The following ZNF574 variants were observed in gnomAD, a reference collection of about 807,000 sequenced individuals.
ZNF574 encodes zinc finger protein 574.
A neutral mutation model predicts 56.6 loss-of-function variants in ZNF574; 25 were observed. The observed-to-expected ratio is 0.44, with a 90% CI of 0.32 to 0.62. The LOEUF is 0.62. Among genes scored for constraint, ZNF574 ranks in the 20% least tolerant of loss-of-function variants. The pLI is 0.04. For missense variants in ZNF574, 1,065 were observed against 1,218.9 expected (o/e 0.87, Z 1.88); for synonymous variants, 543 against 492.1 (o/e 1.10, Z -1.37).
At chr19:42,072,008 AAAAAAAC>A (rs2076427667), upstream of ZNF574, among the ~76,000 whole-genome samples, 1 of 151,680 alleles carries the variant, frequency 6.6e-6, no homozygotes, top group African/African-American at 2.4e-5. Flanking sequence ...CATCTCCAAA[AAAAAAAC>A]AAAAAACAAA....
At position 42,078,876 on chromosome 19, in the gene ZNF574, G is replaced by A; in HGVS notation, c.270G>A (p.Gln90=). 6.2e-7 allele frequency: 1 copy of A among 1,614,062 alleles called. No individual in the cohort carries two copies. Among genetic ancestry groups the A allele is most frequent in the Admixed American group, 1.7e-5 (1 of 60,022 alleles). ...GTCAACTGCTGATGTCACCCAGCCAGCTCCTGGAGCACCAGGAGCTGCACC... is the reference window on the plus strand; with the variant it reads ...GTCAACTGCTGATGTCACCCAGCCAACTCCTGGAGCACCAGGAGCTGCACC... The part of the protein sequence containing the change: ...ECGQLLMSPS[Q]LLEHQELHLK... The change falls in exon 2 of 2, where the codon CAG becomes CAA. Residue 90 remains glutamine (Q), a synonymous_variant. Transcript: ENST00000359044.
Position 42,079,596 on chromosome 19 carries a change from T to C in ZNF574, c.990T>C (p.Ser330=), listed in dbSNP as rs1451687934. ...SPHQLQQHLR[S]HREGVFKCPL... ...ACCAGCTACAGCAGCACCTGCGGAGTCACCGGGAGGGCGTCTTTAAGTGCC... is the reference window on the plus strand; with the variant it reads ...ACCAGCTACAGCAGCACCTGCGGAGCCACCGGGAGGGCGTCTTTAAGTGCC... Residue 330 remains serine, a synonymous_variant, in exon 2 of 2, where the codon AGT becomes AGC. Transcript: ENST00000359044. This position sits in a 1 kb window ranked among gnomAD's most constrained non-coding sequence, Gnocchi z 4.3. The C allele has an allele frequency of 6.2e-7, 1 of 1,614,088 alleles. No homozygotes were observed. The highest frequency in any genetic ancestry group is 8.5e-7 in the Non-Finnish European group (1 of 1,180,010).
chr19:42,079,873 A>C lies in ZNF574; in HGVS notation c.1267A>C (p.Thr423Pro), dbSNP rs2076484530. ...GGTAGGGGGTGTCCCTCTGCCCACA[A>C]CACCAGTCCCACCAGAGGAACCTGT... ...HGVGGVPLPT[T>P]PVPPEEPVIG... is the part of the protein sequence containing the mutation. Residue 423 changes from threonine (T) to proline (P), a missense_variant, in exon 2 of 2, where the codon ACA becomes CCA. Transcript: ENST00000359044. The surrounding 1 kb of genome is among the most constrained non-coding windows in gnomAD (Gnocchi z 4.3). The C allele has an allele frequency of 5.0e-6, 8 of 1,613,944 alleles. No individual in the cohort carries two copies. Among genetic ancestry groups the C allele is most frequent in the South Asian group, 1.1e-5 (1 of 91,074 alleles).
rs766620077 is a variant in ZNF574 at position 42,078,595 on chromosome 19, C to T, written c.-12C>T. The stretch of plus-strand genomic sequence containing the variant: ...ACTGTCTCCTCTTCCAGCCCAGGGC[C>T]TTGCTGCCGCCATGACTGAGGAATC... On this transcript the variant is annotated 5_prime_UTR_variant, in exon 2 of 2. Coordinates refer to ENST00000359044, the MANE Select transcript of ZNF574 (RefSeq NM_022752.6). 25 of 1,603,770 alleles carry T rather than the reference C, an allele frequency of 1.6e-5. No individual in the cohort carries two copies. The highest frequency in any genetic ancestry group is 2.1e-5 in the Non-Finnish European group (25 of 1,172,640).
rs116193035 is a variant in ZNF574 at position 42,079,986 on chromosome 19, C to T, written c.1380C>T (p.Pro460=). 330 of 1,613,880 alleles carry T rather than the reference C, an allele frequency of 2.0e-4. 1 individual carries two copies. In the African/African-American group the frequency reaches 3.9e-3, roughly 19 times the overall value. Residue 460 remains proline, a synonymous_variant, in exon 2 of 2, where the codon CCC becomes CCT. Transcript: ENST00000359044. This position sits in a 1 kb window ranked among gnomAD's most constrained non-coding sequence, Gnocchi z 4.3. ...PPVSEETSAG[P]AAPGTYRCLL... ...TGTCTGAGGAGACCTCAGCAGGGCC[C>T]GCTGCCCCAGGCACCTACCGCTGCC...
chr19:42,080,385 C>T lies in ZNF574; in HGVS notation c.1779C>T (p.Arg593=), dbSNP rs751270836. ...GGGTGCGTTTTCACCGTCCTTACCG[C>T]CTGCTCATGCACCGCTACCATCACA... is the stretch of plus-strand genomic sequence containing the variant. The part of the protein sequence containing the change: ...ECGVRFHRPY[R]LLMHRYHHTG... The change falls in exon 2 of 2, where the codon CGC becomes CGT. Residue 593 remains arginine, a synonymous_variant. Transcript: ENST00000359044. The surrounding 1 kb of genome is among the most constrained non-coding windows in gnomAD (Gnocchi z 8.5). The T allele has an allele frequency of 1.9e-6, 3 of 1,614,250 alleles. No individual in the cohort carries two copies. The highest frequency in any genetic ancestry group is 1.1e-5 in the South Asian group (1 of 91,092).
In ZNF574 at chr19:42,078,534, G is replaced by C. The variant is rs897839366; in HGVS notation, c.-20-53G>C. The C allele has an allele frequency of 1.3e-5, 19 of 1,479,468 alleles. No individual in the cohort carries two copies. The African/African-American group carries it at 2.2e-4, about 17-fold the overall frequency. 91.6% of individuals were successfully genotyped at this position (1,479,468 alleles called of 1,614,324 possible). A position where few individuals can be genotyped will look rare whatever the true frequency, so the allele number is the denominator to read the frequency against. On this transcript the variant is annotated intron_variant, in intron 1 of 1. Transcript: ENST00000359044. ...TAGGAGTGGAGAGTGATGAAGGGAA[G>C]AGCTGAGGAATCGGTGACCTAACTG...
In ZNF574 at chr19:42,081,208, A is replaced by C; in HGVS notation, c.2602A>C (p.Met868Leu). The change falls in exon 2 of 2, where the codon ATG becomes CTG. Residue 868 changes from methionine (M) to leucine (L), a missense_variant. Coordinates refer to ENST00000359044, the MANE Select transcript of ZNF574 (RefSeq NM_022752.6). The part of the protein sequence containing the change: ...EAEAAVGLAV[M>L]ETAVEALPLV... ...GGAGGCTGCCGTTGGCCTGGCCGTC[A>C]TGGAGACTGCTGTGGAGGCGCTACC... 6.2e-7 allele frequency: 1 copy of C among 1,614,150 alleles called. No homozygotes were observed. The highest frequency in any genetic ancestry group is 2.2e-5 in the East Asian group (1 of 44,890).
rs748997617 is a variant in ZNF574, at chr19:42,081,084, C to T, written c.2478C>T (p.Asp826=). ...HTGERPYSCP[D]CGKSYRSFSN... ...GCGAACGACCCTACTCCTGCCCTGA[C>T]TGTGGCAAGAGCTACCGCTCCTTCT... is the stretch of plus-strand genomic sequence containing the variant. Residue 826 remains aspartate (D), a synonymous_variant, in exon 2 of 2, where the codon GAC becomes GAT. Transcript: ENST00000359044. 4 of 1,614,218 alleles carry T rather than the reference C, an allele frequency of 2.5e-6. No individual in the cohort carries two copies. The highest frequency in any genetic ancestry group is 1.1e-5 in the South Asian group (1 of 91,090).
In ZNF574 at chr19:42,079,511, G is replaced by A. The variant is rs1259955597; in HGVS notation, c.905G>A (p.Gly302Asp). 3.7e-6 allele frequency: 6 copies of A among 1,613,812 alleles called. No homozygotes were observed. The highest frequency in any genetic ancestry group is 4.5e-5 in the East Asian group (2 of 44,894). ...CGGAGGAACAACAGTGGAGAAGCAG[G>A]CGGGGCAGCCACACAGGAGCTCTTC... ...RARRNNSGEA[G>D]GAATQELFCS... The change falls in exon 2 of 2, where the codon GGC becomes GAC. Residue 302 changes from glycine (G) to aspartate (D), a missense_variant. By Grantham distance (94) the Gly-to-Asp change is moderately conservative (BLOSUM62 -1). Coordinates refer to ENST00000359044, the MANE Select transcript of ZNF574 (RefSeq NM_022752.6). The surrounding 1 kb of genome is among the most constrained non-coding windows in gnomAD (Gnocchi z 4.3).
In ZNF574 at chr19:42,078,898, C is replaced by T. The variant is rs1258334327; in HGVS notation, c.292C>T (p.His98Tyr). The T allele has an allele frequency of 6.2e-7, 1 of 1,613,984 alleles. No homozygotes were observed. The highest frequency in any genetic ancestry group is 8.5e-7 in the Non-Finnish European group (1 of 1,179,984). Residue 98 changes from histidine to tyrosine, a missense_variant, in exon 2 of 2, where the codon CAC becomes TAC. His to Tyr is a moderately conservative substitution (Grantham distance 83). Transcript: ENST00000359044. ...CCAGCTCCTGGAGCACCAGGAGCTG[C>T]ACCTGAAGATGATGGCACCCCAGGA... is the stretch of plus-strand genomic sequence containing the variant. Reference protein sequence around the residue: ...PSQLLEHQELHLKMMAPQEAV... With the variant: ...PSQLLEHQELYLKMMAPQEAV...
chr19:42,070,567 T>C (rs1400559196), intron 1 of ZNF574: 1 of 151,744 alleles, frequency 6.6e-6, no homozygotes, highest in African/African-American at 2.4e-5. Context: ...GAGACAGCCG[T>C]CAAGACTGTC....
chr19:42,071,866 C>T (rs966341514), upstream of ZNF574, among the ~76,000 whole-genome samples: 13 of 151,840 alleles, frequency 8.6e-5, no homozygotes, highest in Non-Finnish European at 1.8e-4. Context: ...TAGCCAGGCC[C>T]GGTGGCACAC....
chr19:42,078,767 T>G lies in ZNF574; in HGVS notation c.161T>G (p.Val54Gly). The stretch of plus-strand genomic sequence containing the variant: ...CTGGTGGGCGTGGCTGATCCCGGAG[T>G]CACTGTGGCCACAGACACAGCTTCA... ...FELVGVADPG[V>G]TVATDTASGT... is the part of the protein sequence containing the mutation. Residue 54 changes from valine (V) to glycine (G), a missense_variant, in exon 2 of 2, where the codon GTC becomes GGC. By Grantham distance (109) the Val-to-Gly change is moderately radical. Coordinates refer to ENST00000359044, the MANE Select transcript of ZNF574 (RefSeq NM_022752.6). 1 of 1,613,784 alleles carries G rather than the reference T, an allele frequency of 6.2e-7. No individual in the cohort carries two copies. Among genetic ancestry groups the G allele is most frequent in the Non-Finnish European group, 8.5e-7 (1 of 1,179,906 alleles).
intron 1 of ZNF574, among the ~76,000 whole-genome samples, chr19:42,077,093 A>T (rs2076461622): frequency 6.6e-6 from 1 of 151,980 alleles, no homozygotes; most frequent in African/African-American, 2.4e-5. Flanking sequence ...TCTGTGTGCT[A>T]AAGTGAGGGG....
chr19:42,070,059 C>G (rs2076402332), intron 1 of ZNF574, among the ~76,000 whole-genome samples: 1 of 152,074 alleles, frequency 6.6e-6, no homozygotes, highest in Non-Finnish European at 1.5e-5. Context: ...CACTCCTGGT[C>G]CCCTGTGAGG....
In ZNF574 at chr19:42,079,841, C is replaced by A; in HGVS notation, c.1235C>A (p.Thr412Asn). Residue 412 changes from threonine to asparagine, a missense_variant, in exon 2 of 2, where the codon ACT becomes AAT. By Grantham distance (65) the Thr-to-Asn change is moderately conservative (BLOSUM62 0). Transcript: ENST00000359044. The surrounding 1 kb of genome is among the most constrained non-coding windows in gnomAD (Gnocchi z 4.3). ...ACCAAGTTCCTTTATCACCGGCGTACTCATGGGGTAGGGGGTGTCCCTCTG... is the reference window on the plus strand; with the variant it reads ...ACCAAGTTCCTTTATCACCGGCGTAATCATGGGGTAGGGGGTGTCCCTCTG... ...NLTKFLYHRR[T>N]HGVGGVPLPT... The A allele has an allele frequency of 6.2e-7, 1 of 1,614,162 alleles. No homozygotes were observed. The highest frequency in any genetic ancestry group is 8.5e-7 in the Non-Finnish European group (1 of 1,180,032).
At chr19:42,078,233 G>A (rs1444188467) in intron 1 of ZNF574, among the ~76,000 whole-genome samples, 1 of 152,126 alleles carries the variant, frequency 6.6e-6, no homozygotes, top group African/African-American at 2.4e-5. Context: ...TCAGTGGAAG[G>A]AGGTCTGAGT....
At chr19:42,072,796 C>G (rs1457301520), upstream of ZNF574, among the ~76,000 whole-genome samples, 1 of 152,152 alleles carries the variant, frequency 6.6e-6, no homozygotes, top group Non-Finnish European at 1.5e-5. Context: ...GAACTCCTGA[C>G]ATCGGGTGAT....
Sources: gnomAD v4.1 joint callset for allele counts (sites outside exome capture counted in the v4.1 genomes callset) on GRCh38, gnomAD v4.1.1 for gene constraint, Gnocchi (gnomAD v3.1) non-coding constraint, MANE v1.5 for transcripts, NCBI Gene and HGNC (gene_info 2026-07-23, HGNC 2026-07-21) for gene names.